Variants in CWC27 observed in about 807,000 individuals in gnomAD.
CWC27 encodes the protein CWC27 spliceosome associated cyclophilin.
A neutral mutation model predicts 63.6 loss-of-function variants in CWC27; 47 were observed. That is an observed-to-expected ratio of 0.74 (90% CI 0.58 to 0.94). CWC27 has a LOEUF of 0.94. Ranked by LOEUF, CWC27 falls within the 40% of genes least tolerant of loss-of-function variation. The pLI is 0.00. For missense variants in CWC27, 495 were observed against 554.3 expected, an observed-to-expected ratio of 0.89 and a Z score of 1.07; for synonymous variants, 175 against 179.8, an observed-to-expected ratio of 0.97 and a Z score of 0.22.
intron 11 of CWC27, among the ~76,000 whole-genome samples, chr5:64,887,770 A>G (rs916859906): frequency 6.6e-6 from 1 of 152,216 alleles, no homozygotes; most frequent in Non-Finnish European, 1.5e-5. Flanking sequence ...CTAAAATCAC[A>G]CATTTTTCAT....
At chr5:65,000,732 T>C (rs533005401) in intron 13 of CWC27, among the ~76,000 whole-genome samples, 1 of 152,246 alleles carries the variant, frequency 6.6e-6, no homozygotes, top group African/African-American at 2.4e-5. Context: ...ACTATAACTT[T>C]GTAGTATATT....
At chr5:64,835,787 T>G (rs1476144153) in intron 10 of CWC27, among the ~76,000 whole-genome samples, 1 of 151,858 alleles carries the variant, frequency 6.6e-6, no homozygotes, top group Non-Finnish European at 1.5e-5. Context: ...TCTTCATGTT[T>G]TATATTTTTT....
At chr5:64,804,643 C>CAT (rs1744601176) in intron 10 of CWC27, 1 of 326,382 alleles carries the variant, frequency 3.1e-6, no homozygotes. Flanking sequence ...TCTATACTTT[C>CAT]ATATATATAG....
chr5:64,936,928 G>A (rs1360899124), intron 11 of CWC27, among the ~76,000 whole-genome samples: 1 of 152,082 alleles, frequency 6.6e-6, no homozygotes, highest in East Asian at 1.9e-4. Flanking sequence ...TTGTATTTCT[G>A]TGCAACCAGT....
intron 11 of CWC27, among the ~76,000 whole-genome samples, chr5:64,915,559 G>A (rs1361675268): frequency 1.3e-5 from 2 of 151,924 alleles, no homozygotes. Flanking sequence ...ACACAGACAG[G>A]CAAGAGATGC....
chr5:65,008,137 A>T (rs1187289924), intron 13 of CWC27, among the ~76,000 whole-genome samples: 1 of 152,246 alleles, frequency 6.6e-6, no homozygotes, highest in East Asian at 1.9e-4. Context: ...TAAATTTTGG[A>T]CTTTACTTAA....
intron 13 of CWC27, among the ~76,000 whole-genome samples, chr5:64,987,419 A>G (rs1749457553): frequency 6.6e-6 from 1 of 152,212 alleles, no homozygotes; most frequent in African/African-American, 2.4e-5. Flanking sequence ...TATATTGAGA[A>G]TCCCCTCAGA....
At chr5:64,910,407 G>A (rs966702740) in intron 11 of CWC27, among the ~76,000 whole-genome samples, 1 of 152,226 alleles carries the variant, frequency 6.6e-6, no homozygotes, top group Non-Finnish European at 1.5e-5. Context: ...ACAGAGGTCA[G>A]GGACCCACTT....
At chr5:64,899,373 G>A (rs1282408679) in intron 11 of CWC27, among the ~76,000 whole-genome samples, 1 of 152,026 alleles carries the variant, frequency 6.6e-6, no homozygotes, top group Non-Finnish European at 1.5e-5. Context: ...CATAGTAATG[G>A]GCAAAATAAT....
intron 11 of CWC27, among the ~76,000 whole-genome samples, chr5:64,889,558 C>T (rs12109497): frequency 7.2e-5 from 11 of 152,220 alleles, no homozygotes; most frequent in African/African-American, 2.6e-4. Context: ...GGAAAGTTAA[C>T]AGAAAAATAC....
intron 11 of CWC27, among the ~76,000 whole-genome samples, chr5:64,970,519 A>G (rs1384064599): frequency 6.6e-6 from 1 of 152,114 alleles, no homozygotes; most frequent in African/African-American, 2.4e-5. Flanking sequence ...GCCGAAAGTA[A>G]TTTTTAAACC....
chr5:64,804,364 G>A lies in CWC27; in HGVS notation c.916G>A (p.Glu306Lys). 6.2e-7 allele frequency: 1 copy of A among 1,611,142 alleles called. No homozygotes were observed. ...TAAATCAGCTGGAGAAGGAGAAGTGGAGAAGAAATCAGTCAGCCGCAGGTG... is the reference window on the plus strand; with the variant it reads ...TAAATCAGCTGGAGAAGGAGAAGTGAAGAAGAAATCAGTCAGCCGCAGGTG... ...NVKSAGEGEV[E>K]KKSVSRSEEL... The change falls in exon 10 of 14, where the codon GAG (glutamate) becomes AAG (lysine). Residue 306 changes from glutamate (E) to lysine (K), a missense_variant. By Grantham distance (56) the Glu-to-Lys change is moderately conservative. Around this residue, in one of 3 missense-constraint regions of CWC27, gnomAD observed 463 missense variants for 498.1 expected, o/e 0.93. Coordinates refer to ENST00000381070, the MANE Select transcript of CWC27 (RefSeq NM_005869.4).
At chr5:64,789,058 G>GATAT in intron 7 of CWC27, 38 bp downstream of exon 7, 4 of 1,427,030 alleles carry the variant, frequency 2.8e-6, no homozygotes, top group Non-Finnish European at 3.9e-6. Context: ...ACTTACAAAA[G>GATAT]AGATTGGGGT....
chr5:64,878,348 A>G (rs993821187), intron 10 of CWC27, among the ~76,000 whole-genome samples: 9 of 151,534 alleles, frequency 5.9e-5, no homozygotes, highest in Admixed American at 2.6e-4. Flanking sequence ...TAATTTTCAC[A>G]GTTTTAATTC....
chr5:64,845,523 CA>C (rs1274898927), intron 10 of CWC27, among the ~76,000 whole-genome samples: 1 of 151,956 alleles, frequency 6.6e-6, no homozygotes, highest in Non-Finnish European at 1.5e-5. Context: ...ACAAGTTTGA[CA>C]GAAATAGAAA....
intron 10 of CWC27, among the ~76,000 whole-genome samples, chr5:64,868,568 C>T (rs1459110662): frequency 6.6e-6 from 1 of 152,006 alleles, no homozygotes; most frequent in East Asian, 1.9e-4. Flanking sequence ...CCCAAACCCA[C>T]AGAATCAGAA....
At chr5:64,770,246 A>G (rs1283464659) in intron 1 of CWC27, among the ~76,000 whole-genome samples, 1 of 152,152 alleles carries the variant, frequency 6.6e-6, no homozygotes, top group African/African-American at 2.4e-5. Flanking sequence ...AATTCTTTCA[A>G]TTCTTTGTTT....
At chr5:64,806,379 A>G (rs955759874) in intron 10 of CWC27, among the ~76,000 whole-genome samples, 2 of 152,222 alleles carry the variant, frequency 1.3e-5, no homozygotes, top group African/African-American at 4.8e-5. Context: ...TTAGGTAAAC[A>G]TGAGTATTGT....
intron 13 of CWC27, among the ~76,000 whole-genome samples, chr5:64,986,634 TA>T (rs1361292013): frequency 6.6e-6 from 1 of 152,218 alleles, no homozygotes; most frequent in Non-Finnish European, 1.5e-5. Context: ...AAATGTTCAG[TA>T]AAATTCATCA....
Sources: gnomAD v4.1 joint callset for allele counts (sites outside exome capture counted in the v4.1 genomes callset) on GRCh38, gnomAD v4.1.1 for gene constraint, gnomAD v4.1.1 regional missense constraint, MANE v1.5 for transcripts, NCBI Gene and HGNC (gene_info 2026-07-23, HGNC 2026-07-21) for gene names.